The following GLI3 variants were observed in gnomAD, a reference collection of about 807,000 sequenced individuals.
GLI3 encodes transcription activator GLI3.
In GLI3, 20 loss-of-function variants were observed where a neutral mutation model predicts 100.8. The observed-to-expected ratio is 0.20, with a 90% confidence interval of 0.14 to 0.29. GLI3 has a LOEUF of 0.29. Among genes scored for constraint, GLI3 ranks in the 10% least tolerant of loss-of-function variants. GLI3 has a pLI of 1.00. For missense variants in GLI3, 2,040 were observed against 2,128.5 expected (o/e 0.96, Z 0.82); for synonymous variants, 938 against 860.5 (o/e 1.09, Z -1.58).
At chr7:41,978,006 C>A in intron 11 of GLI3, 1 of 483,282 alleles carries the variant, frequency 2.1e-6, no homozygotes, top group Non-Finnish European at 3.8e-6. Flanking sequence ...TTGATCTCCT[C>A]AAATTCCCAC....
intron 2 of GLI3, among the ~76,000 whole-genome samples, chr7:42,181,801 C>T (rs1787599618): frequency 6.6e-6 from 1 of 152,170 alleles, no homozygotes; most frequent in African/African-American, 2.4e-5. Context: ...TTAAAATACT[C>T]ACACGAAGGA....
intron 10 of GLI3, among the ~76,000 whole-genome samples, chr7:42,004,216 A>T (rs1240066595): frequency 6.6e-6 from 1 of 152,232 alleles, no homozygotes; most frequent in African/African-American, 2.4e-5. Flanking sequence ...CCAGATACAA[A>T]ACTGGTGTTA....
chr7:42,190,007 C>T (rs1303322371), intron 2 of GLI3, among the ~76,000 whole-genome samples: 6 of 127,522 alleles, frequency 4.7e-5, no homozygotes, highest in African/African-American at 1.8e-4. Context: ...CACACACACA[C>T]ACACACACAC....
chr7:41,984,230 C>T (rs1049829093), intron 10 of GLI3, among the ~76,000 whole-genome samples: 4 of 152,172 alleles, frequency 2.6e-5, no homozygotes, highest in African/African-American at 9.7e-5. Context: ...AATCAGGGTC[C>T]TTTCTTCTCA....
At chr7:42,224,257 G>A (rs531110659) in intron 1 of GLI3, among the ~76,000 whole-genome samples, 43 of 152,272 alleles carry the variant, frequency 2.8e-4, no homozygotes, top group African/African-American at 9.6e-4. Context: ...GCATTTCTTA[G>A]GTCTGGCCAT....
intron 4 of GLI3, among the ~76,000 whole-genome samples, chr7:42,066,775 G>A (rs1784683921): frequency 6.6e-6 from 1 of 152,176 alleles, no homozygotes; most frequent in Non-Finnish European, 1.5e-5. Context: ...ATTTCCAGTG[G>A]ACTCTTGACT....
At chr7:42,210,156 T>G (rs1398595288) in intron 2 of GLI3, among the ~76,000 whole-genome samples, 3 of 152,082 alleles carry the variant, frequency 2.0e-5, no homozygotes, top group Non-Finnish European at 4.4e-5. Context: ...TCATTTCCCT[T>G]AGATTTCATA....
At chr7:41,997,543 G>A (rs1788160950) in intron 10 of GLI3, among the ~76,000 whole-genome samples, 1 of 152,208 alleles carries the variant, frequency 6.6e-6, no homozygotes, top group African/African-American at 2.4e-5. Flanking sequence ...AGAAAAAAGT[G>A]TCCAAGTAAT....
At chr7:42,064,369 G>C (rs1188939456) in intron 4 of GLI3, among the ~76,000 whole-genome samples, 1 of 152,144 alleles carries the variant, frequency 6.6e-6, no homozygotes, top group Non-Finnish European at 1.5e-5. Context: ...AATTTATTTT[G>C]TACATGAAAA....
At chr7:42,063,692 C>A (rs2128748019) in intron 4 of GLI3, among the ~76,000 whole-genome samples, 1 of 152,268 alleles carries the variant, frequency 6.6e-6, no homozygotes, top group East Asian at 1.9e-4. Context: ...ATGTAGTAGG[C>A]AATCCTGCCA....
intron 3 of GLI3, among the ~76,000 whole-genome samples, chr7:42,122,124 A>G (rs1438374604): frequency 6.6e-6 from 1 of 150,398 alleles, no homozygotes; most frequent in South Asian, 2.1e-4. Flanking sequence ...GAGGAATATT[A>G]AAATGAAAAA....
chr7:41,977,955 T>G, intron 11 of GLI3: 1 of 561,752 alleles, frequency 1.8e-6, no homozygotes, highest in Admixed American at 3.0e-5. Flanking sequence ...TTTTTTTTAA[T>G]AGACCGCTCA....
intron 1 of GLI3, among the ~76,000 whole-genome samples, chr7:42,227,225 A>C (rs1333684345): frequency 6.6e-6 from 1 of 152,062 alleles, no homozygotes; most frequent in East Asian, 1.9e-4. Flanking sequence ...TTCACCACTG[A>C]AACATTACAT....
intron 2 of GLI3, among the ~76,000 whole-genome samples, chr7:42,160,407 A>T (rs1226402818): frequency 6.6e-6 from 1 of 152,232 alleles, no homozygotes; most frequent in African/African-American, 2.4e-5. Context: ...ATAGGACCCA[A>T]GTCTAAACAC....
intron 4 of GLI3, among the ~76,000 whole-genome samples, chr7:42,053,590 A>C (rs552872866): frequency 1.2e-4 from 18 of 152,330 alleles, no homozygotes; most frequent in Admixed American, 3.3e-4. Context: ...CCAGGAAAAA[A>C]ACTGTGGTGT....
chr7:42,062,822 C>A (rs958311228), intron 4 of GLI3, among the ~76,000 whole-genome samples: 2 of 152,060 alleles, frequency 1.3e-5, no homozygotes, highest in Admixed American at 1.3e-4. Flanking sequence ...TATCAAACCT[C>A]TGCTAGAAAA....
intron 3 of GLI3, among the ~76,000 whole-genome samples, 177 bp from the exon 4 acceptor site, chr7:42,077,034 CTAAG>C (rs1562716909): frequency 6.6e-6 from 1 of 152,176 alleles, no homozygotes; most frequent in Non-Finnish European, 1.5e-5. Context: ...AGCAGTGTGA[CTAAG>C]TAAGTAGTGC....
Position 42,187,073 on chromosome 7 carries a change from C to T in GLI3, c.124+36057G>A, listed in dbSNP as rs538511999. ...AAAAAAAAAGTTAATTAGCTGGGTG[C>T]GTTGGCACAGGCCTGTGGTCCCAGC... On this transcript the variant is annotated intron_variant, in intron 2 of 14. Transcript: ENST00000395925. Among the ~76,000 whole-genome samples the T allele has an allele frequency of 4.1e-4, 62 of 151,302 alleles. 1 individual carries two copies. The highest frequency in any genetic ancestry group is 3.1e-4 in the Non-Finnish European group (21 of 67,850).
intron 1 of GLI3, among the ~76,000 whole-genome samples, chr7:42,230,586 T>C (rs1485603657): frequency 6.6e-6 from 1 of 152,240 alleles, no homozygotes; most frequent in African/African-American, 2.4e-5. Context: ...AACATTTCTG[T>C]GAGCCAGTTT....
Sources: allele counts gnomAD v4.1 joint callset (sites outside exome capture counted in the v4.1 genomes callset), GRCh38; gene constraint gnomAD v4.1.1; transcripts MANE v1.5; gene names NCBI Gene and HGNC (gene_info 2026-07-23, HGNC 2026-07-21).